VEPH1: variants seen among roughly 807,000 people sequenced by gnomAD.
VEPH1 encodes the protein ventricular zone-expressed PH domain-containing protein homolog 1.
In VEPH1, 80 loss-of-function variants were observed where a neutral mutation model predicts 85.2. That is an observed-to-expected ratio of 0.94 (90% CI 0.78 to 1.13). VEPH1 has a LOEUF of 1.13. Ranked by LOEUF, VEPH1 falls within the 50% of genes most tolerant of loss-of-function variation. VEPH1 has a pLI of 0.00. For synonymous variants in VEPH1, 297 were observed against 348.0 expected (o/e 0.85, Z 1.63); for missense variants, 955 against 980.5 (o/e 0.97, Z 0.35).
intron 2 of VEPH1, among the ~76,000 whole-genome samples, chr3:157,482,422 C>T (rs1329982239): frequency 6.6e-6 from 1 of 152,120 alleles, no homozygotes; most frequent in Non-Finnish European, 1.5e-5. Flanking sequence ...GACAGGGTTT[C>T]ACCATGTTGG....
intron 4 of VEPH1, among the ~76,000 whole-genome samples, chr3:157,440,469 G>C (rs1243208112): frequency 6.6e-6 from 1 of 151,974 alleles, no homozygotes; most frequent in Non-Finnish European, 1.5e-5. Context: ...CTCTTTACCA[G>C]TTATTCTGGA....
intron 6 of VEPH1, among the ~76,000 whole-genome samples, chr3:157,382,843 T>G (rs1728917230): frequency 6.6e-6 from 1 of 152,142 alleles, no homozygotes; most frequent in Admixed American, 6.6e-5. Context: ...TATTTCAGTA[T>G]CTTTTTGAGA....
At chr3:157,427,439 G>GT (rs1732837917) in intron 5 of VEPH1, among the ~76,000 whole-genome samples, 1 of 151,662 alleles carries the variant, frequency 6.6e-6, no homozygotes, top group African/African-American at 2.4e-5. Flanking sequence ...TTTCATTACT[G>GT]TATCTGTCTG....
Position 157,364,376 on chromosome 3 carries a change from T to C in VEPH1, c.1264A>G (p.Thr422Ala). 1 of 1,614,042 alleles carries C rather than the reference T, an allele frequency of 6.2e-7. No homozygotes were observed. The highest frequency in any genetic ancestry group is 8.5e-7 in the Non-Finnish European group (1 of 1,179,948). The change falls in exon 8 of 14, where the codon ACC becomes GCC. Residue 422 changes from threonine to alanine, a missense_variant. Coordinates refer to ENST00000362010, the MANE Select transcript of VEPH1 (RefSeq NM_001167912.2). ...CTATATCTTCTGATAGAGCCAGGGG[T>C]ATTGCTCCCTGCATTTATCTTGTCT... ...FEDKINAGSN[T>A]PGSIRRYSLG...
intron 4 of VEPH1, among the ~76,000 whole-genome samples, chr3:157,449,853 AATTTT>A (rs1209628234): frequency 6.6e-6 from 1 of 151,806 alleles, no homozygotes; most frequent in African/African-American, 2.4e-5. Context: ...ACACTTTTAT[AATTTT>A]ATTCTCAAAA....
chr3:157,338,890 C>T (rs1005725646), intron 9 of VEPH1, among the ~76,000 whole-genome samples: 1 of 152,192 alleles, frequency 6.6e-6, no homozygotes, highest in Non-Finnish European at 1.5e-5. Context: ...TTTGTGAATT[C>T]ACTGAACTGC....
intron 9 of VEPH1, among the ~76,000 whole-genome samples, chr3:157,340,698 T>C (rs1241555684): frequency 6.6e-6 from 1 of 152,182 alleles, no homozygotes; most frequent in East Asian, 1.9e-4. Flanking sequence ...GCACGGAGTT[T>C]GAGATCTGAG....
chr3:157,299,559 C>CAAA (rs10535235), intron 11 of VEPH1, among the ~76,000 whole-genome samples: 25 of 103,042 alleles, frequency 2.4e-4, no homozygotes, highest in African/African-American at 7.0e-4. Context: ...GGCCCTGTCT[C>CAAA]AAAAAAAAAA....
intron 8 of VEPH1, 101 bp from the exon 9 acceptor site, chr3:157,363,862 G>T: frequency 7.2e-7 from 1 of 1,385,834 alleles, no homozygotes; most frequent in Non-Finnish European, 9.7e-7. Flanking sequence ...ACTTCCTCTG[G>T]AGTGTGAAAC....
intron 6 of VEPH1, among the ~76,000 whole-genome samples, chr3:157,403,658 T>C (rs1730932304): frequency 6.6e-6 from 1 of 152,160 alleles, no homozygotes; most frequent in African/African-American, 2.4e-5. Flanking sequence ...TAAACTGTAT[T>C]GTAGGTAATG....
At chr3:157,437,766 C>T (rs1353093486) in intron 4 of VEPH1, 2 of 1,485,944 alleles carry the variant, frequency 1.3e-6, no homozygotes, top group Non-Finnish European at 1.8e-6. Flanking sequence ...GCGACGCGGG[C>T]CGCAGGCTGG....
intron 11 of VEPH1, among the ~76,000 whole-genome samples, chr3:157,294,313 G>A (rs1717863688): frequency 6.6e-6 from 1 of 151,950 alleles, no homozygotes; most frequent in Non-Finnish European, 1.5e-5. Context: ...CTTTTTATAA[G>A]TATTCACCTT....
rs181228289 is a variant in VEPH1 at position 157,303,992 on chromosome 3, A to G, written c.2010+9629T>C. Among the ~76,000 whole-genome samples, 9 of 111,122 alleles carry G rather than the reference A, an allele frequency of 8.1e-5. No individual in the cohort carries two copies. The East Asian group carries it at 1.7e-3, about 20-fold the overall frequency. The allele number at this position is 111,122 out of a possible 152,430, so 72.9% of individuals were successfully genotyped here. A position where few individuals can be genotyped will look rare whatever the true frequency, so the allele number is the denominator to read the frequency against. ...ACAGCACTTGTCATTTCTATCACAC[A>G]TGTAGACTTAAATTTCTCATCTTAT... On this transcript the variant is annotated intron_variant, in intron 11 of 13. Coordinates refer to ENST00000362010, the MANE Select transcript of VEPH1 (RefSeq NM_001167912.2).
chr3:157,324,997 C>G (rs1263597555), intron 9 of VEPH1, among the ~76,000 whole-genome samples: 1 of 152,146 alleles, frequency 6.6e-6, no homozygotes, highest in Non-Finnish European at 1.5e-5. Context: ...TCATCAGGAT[C>G]TGTTGTTTTA....
At chr3:157,292,804 T>C (rs953932381) in intron 11 of VEPH1, among the ~76,000 whole-genome samples, 1 of 108,696 alleles carries the variant, frequency 9.2e-6, no homozygotes, top group Non-Finnish European at 1.8e-5. Flanking sequence ...AAACCCCCTC[T>C]CTACTAAAAA....
intron 5 of VEPH1, among the ~76,000 whole-genome samples, chr3:157,423,643 AC>A (rs1732522162): frequency 6.6e-6 from 1 of 152,008 alleles, no homozygotes; most frequent in Non-Finnish European, 1.5e-5. Context: ...AGAATTCATT[AC>A]CCCCATCTCT....
In VEPH1 at chr3:157,443,260, A is replaced by G. The variant is rs563377173; in HGVS notation, c.530-14772T>C. 2.4e-5 allele frequency: 8 copies of G among 333,282 alleles called. No individual in the cohort carries two copies. The East Asian group carries it at 3.5e-4, about 14-fold the overall frequency. 20.6% of individuals were successfully genotyped at this position (333,282 alleles called of 1,614,324 possible). On this transcript the variant is annotated intron_variant, in intron 4 of 13. Coordinates refer to ENST00000362010, the MANE Select transcript of VEPH1 (RefSeq NM_001167912.2). ...ATAAACTCTCAAATAATTAAAAAGG[A>G]CTGTATTGTTGAACAGAGGGACAAT...
chr3:157,437,751 GA>G lies in VEPH1; in HGVS notation c.530-9264del, dbSNP rs975348728. On this transcript the variant is annotated intron_variant, in intron 4 of 13. Coordinates refer to ENST00000362010, the MANE Select transcript of VEPH1 (RefSeq NM_001167912.2). ...GTGCTCTGGACGAGCTGCTGCAGGC[GA>G]CCCGCGACGCGGGCCGCAGGCTGGC... is the stretch of plus-strand genomic sequence containing the variant. 13 of 1,491,140 alleles carry G rather than the reference GA, an allele frequency of 8.7e-6. No homozygotes were observed. The Admixed American group carries it at 2.5e-4, about 29-fold the overall frequency. The allele number at this position is 1,491,140 out of a possible 1,614,324, so 92.4% of individuals were successfully genotyped here.
At chr3:157,345,423 G>C (rs1038430049) in intron 9 of VEPH1, among the ~76,000 whole-genome samples, 7 of 152,190 alleles carry the variant, frequency 4.6e-5, no homozygotes, top group African/African-American at 1.4e-4. Context: ...ACAGACACAT[G>C]GAAAAATGTT....
Sources: allele counts gnomAD v4.1 joint callset (sites outside exome capture counted in the v4.1 genomes callset), GRCh38; gene constraint gnomAD v4.1.1; transcripts MANE v1.5; gene names NCBI Gene and HGNC (gene_info 2026-07-23, HGNC 2026-07-21).